The following CPM variants were observed in gnomAD, a reference collection of about 807,000 sequenced individuals.
The protein encoded by CPM is renal carboxypeptidase.
Under a neutral mutation model 46.4 loss-of-function variants are expected in CPM, and 35 were observed. The observed-to-expected ratio is 0.75, with a 90% CI of 0.58 to 1.00. The LOEUF (loss-of-function observed/expected upper bound fraction) is 1.00. Ranked by LOEUF, CPM falls within the 50% of genes least tolerant of loss-of-function variation. The pLI is 0.00. For missense variants in CPM, 422 were observed against 530.4 expected (o/e 0.80, Z 2.01); for synonymous variants, 195 against 195.3 (o/e 1.00, Z 0.01).
chr12:68,943,465 T>C (rs1888795913), intron 1 of CPM, among the ~76,000 whole-genome samples: 1 of 152,256 alleles, frequency 6.6e-6, no homozygotes, highest in Non-Finnish European at 1.5e-5. Flanking sequence ...TTTATATTTA[T>C]CTTATTTATT....
At chr12:68,848,647 C>T (rs761724987), downstream of CPM, 5 of 152,190 alleles carry the variant, frequency 3.3e-5, no homozygotes, top group African/African-American at 4.8e-5. Context: ...GCCTTTTCTA[C>T]CTTTTCTCAC....
At chr12:68,923,158 A>AGTGTGTGT (rs1491362513) in intron 2 of CPM, among the ~76,000 whole-genome samples, 24 of 131,902 alleles carry the variant, frequency 1.8e-4, no homozygotes, top group African/African-American at 6.2e-4. Context: ...TATTTGATAT[A>AGTGTGTGT]GAGTGTGTGT....
At chr12:68,931,470 C>T (rs1006844252) in intron 2 of CPM, among the ~76,000 whole-genome samples, 3 of 151,926 alleles carry the variant, frequency 2.0e-5, no homozygotes, top group Non-Finnish European at 4.4e-5. Context: ...CTCGGCCGGG[C>T]ACGGTGGCTC....
At chr12:68,959,852 A>G (rs1000887068) in intron 1 of CPM, among the ~76,000 whole-genome samples, 9 of 152,256 alleles carry the variant, frequency 5.9e-5, no homozygotes, top group African/African-American at 2.2e-4. Flanking sequence ...CAAACATTTC[A>G]GCTCTGCTAT....
At chr12:68,885,234 T>C (rs1020566520) in intron 3 of CPM, among the ~76,000 whole-genome samples, 2 of 152,186 alleles carry the variant, frequency 1.3e-5, no homozygotes, top group South Asian at 4.1e-4. Context: ...TGTGAGCCAC[T>C]GCACCCAGCC....
chr12:68,843,758 G>A (rs1427786618), intron 5 of CPM: 2 of 223,564 alleles, frequency 8.9e-6, no homozygotes, highest in African/African-American at 4.5e-5. Context: ...TAGTTTACCT[G>A]TGGAGGTCCT....
At chr12:68,844,810 A>G in intron 5 of CPM, 1 of 200,196 alleles carries the variant, frequency 5.0e-6, no homozygotes, top group Non-Finnish European at 1.0e-5. Context: ...TCTGTGGCTC[A>G]GGCTGGAGTA....
At chr12:68,844,089 C>A in intron 5 of CPM, 1 of 206,306 alleles carries the variant, frequency 4.8e-6, no homozygotes, top group Non-Finnish European at 9.9e-6. Flanking sequence ...TTTAAATCTG[C>A]AAATGGATTC....
In CPM at chr12:68,856,681, T is replaced by C. The variant is rs1884988719; in HGVS notation, c.1090-2A>G. On this transcript the variant is annotated splice_acceptor_variant, in intron 8 of 8. Coordinates refer to ENST00000551568, the MANE Select transcript of CPM (RefSeq NM_198320.5). LOFTEE classifies it high-confidence loss of function. The stretch of plus-strand genomic sequence containing the variant: ...TGGATCATGTCCAGGGACTGTAACC[T>C]GAGAAGAAACAAGAGACAATTATAT... 1 of 1,612,670 alleles carries C rather than the reference T, an allele frequency of 6.2e-7. No individual in the cohort carries two copies. Among genetic ancestry groups the C allele is most frequent in the Non-Finnish European group, 8.5e-7 (1 of 1,179,092 alleles).
intron 2 of CPM, among the ~76,000 whole-genome samples, chr12:68,903,942 A>C (rs1361270414): frequency 1.3e-5 from 2 of 151,108 alleles, no homozygotes. Context: ...GCTGGAATGC[A>C]GTGGTGTGAA....
At chr12:68,952,021 C>T (rs1338204670) in intron 1 of CPM, among the ~76,000 whole-genome samples, 2 of 152,096 alleles carry the variant, frequency 1.3e-5, no homozygotes, top group African/African-American at 4.8e-5. Flanking sequence ...TCTCTCCTCT[C>T]CGGGACATGT....
At chr12:68,913,678 C>T in intron 2 of CPM, 1 of 342,144 alleles carries the variant, frequency 2.9e-6, no homozygotes, top group Non-Finnish European at 5.7e-6. Flanking sequence ...CTGCAGAGGG[C>T]ACATCCTCGG....
chr12:68,895,900 A>G (rs1376353368), intron 2 of CPM, among the ~76,000 whole-genome samples: 4 of 152,218 alleles, frequency 2.6e-5, no homozygotes, highest in African/African-American at 9.6e-5. Flanking sequence ...GTTGTTGAGT[A>G]AACTTTCCTT....
intron 2 of CPM, among the ~76,000 whole-genome samples, chr12:68,910,979 AT>A (rs944392970): frequency 4.6e-5 from 7 of 152,234 alleles, no homozygotes; most frequent in South Asian, 2.1e-4. Context: ...TGAAAAAAAA[AT>A]ACCTTGTTTT....
chr12:68,903,628 T>C (rs1396775016), intron 2 of CPM, among the ~76,000 whole-genome samples: 1 of 152,226 alleles, frequency 6.6e-6, no homozygotes, highest in Non-Finnish European at 1.5e-5. Flanking sequence ...CTTATCTTGA[T>C]CTTAGTTTGT....
chr12:68,843,093 G>GTTT, intron 5 of CPM: 4 of 198,772 alleles, frequency 2.0e-5, no homozygotes, highest in East Asian at 7.8e-5. Flanking sequence ...TGTTGTGTGG[G>GTTT]TTTTTTTTTT....
chr12:68,908,849 A>G (rs868831159), intron 2 of CPM, among the ~76,000 whole-genome samples: 9 of 152,324 alleles, frequency 5.9e-5, no homozygotes, highest in African/African-American at 2.2e-4. Flanking sequence ...AAGCCACAGA[A>G]GAGGTGAAAA....
chr12:68,859,754 C>T (rs892668220), intron 7 of CPM, among the ~76,000 whole-genome samples: 23 of 152,184 alleles, frequency 1.5e-4, no homozygotes, highest in African/African-American at 1.4e-4. Context: ...ACACAGCCAA[C>T]GAAGTGGCCC....
chr12:68,856,425 T>A lies in CPM; in HGVS notation c.*12A>T. The A allele has an allele frequency of 6.2e-7, 1 of 1,610,892 alleles. No individual in the cohort carries two copies. Among genetic ancestry groups the A allele is most frequent in the Non-Finnish European group, 8.5e-7 (1 of 1,178,040 alleles). ...TCCAGGTGGTGATGTGGGTTGAGTT[T>A]CACATTTTACTTTATTTGAAGAATA... On this transcript the variant is annotated 3_prime_UTR_variant, in exon 9 of 9. Coordinates refer to ENST00000551568, the MANE Select transcript of CPM (RefSeq NM_198320.5).
Sources: gnomAD v4.1 joint callset for allele counts (sites outside exome capture counted in the v4.1 genomes callset) on GRCh38, gnomAD v4.1.1 for gene constraint, MANE v1.5 for transcripts, NCBI Gene and HGNC (gene_info 2026-07-23, HGNC 2026-07-21) for gene names.